Variants in CCDC83 observed in about 807,000 individuals in gnomAD.
The protein encoded by CCDC83 is coiled-coil domain-containing protein 83.
A neutral mutation model predicts 50.1 loss-of-function variants in CCDC83; 54 were observed. The ratio of observed to expected loss-of-function variants is 1.08; its 90% CI spans 0.87 to 1.35. The LOEUF (loss-of-function observed/expected upper bound fraction) is 1.35, where lower values mean the gene tolerates loss of function less well. Ranked by LOEUF, CCDC83 falls within the 40% of genes most tolerant of loss-of-function variation. CCDC83 has a pLI of 0.00. For synonymous variants in CCDC83, 161 were observed against 153.3 expected, an observed-to-expected ratio of 1.05 and a Z score of -0.37; for missense variants, 518 against 473.9, an observed-to-expected ratio of 1.09 and a Z score of -0.86.
intron 7 of CCDC83, among the ~76,000 whole-genome samples, chr11:85,909,348 T>C (rs549225395): frequency 1.1e-4 from 16 of 152,316 alleles, no homozygotes; most frequent in Non-Finnish European, 2.1e-4. Flanking sequence ...TCTTTCATCA[T>C]ATTCCCTCAA....
chr11:85,857,442 C>T (rs2093148354), intron 1 of CCDC83, among the ~76,000 whole-genome samples: 1 of 152,200 alleles, frequency 6.6e-6, no homozygotes, highest in South Asian at 2.1e-4. Context: ...CATTATACTT[C>T]AAAGACGGCC....
chr11:85,904,390 C>A (rs1374066890), intron 7 of CCDC83, among the ~76,000 whole-genome samples: 1 of 152,090 alleles, frequency 6.6e-6, no homozygotes, highest in Non-Finnish European at 1.5e-5. Flanking sequence ...TCTTAGTAGC[C>A]TGTTTCTGGT....
At chr11:85,907,793 T>A (rs370880013) in intron 7 of CCDC83, among the ~76,000 whole-genome samples, 3 of 152,200 alleles carry the variant, frequency 2.0e-5, no homozygotes, top group African/African-American at 7.2e-5. Context: ...AGGAGAGCCT[T>A]AGCCTCTAAG....
At chr11:85,899,770 T>G (rs2093392295) in intron 7 of CCDC83, among the ~76,000 whole-genome samples, 1 of 152,174 alleles carries the variant, frequency 6.6e-6, no homozygotes, top group Non-Finnish European at 1.5e-5. Context: ...ATTGAATGAC[T>G]GAATGTCAAT....
At chr11:85,871,795 C>T (rs2093239144) in intron 2 of CCDC83, among the ~76,000 whole-genome samples, 1 of 152,094 alleles carries the variant, frequency 6.6e-6, no homozygotes, top group Admixed American at 6.6e-5. Context: ...CACTCTACTA[C>T]AGAGGTACTA....
intron 7 of CCDC83, among the ~76,000 whole-genome samples, chr11:85,901,866 A>C (rs1461000213): frequency 7.6e-6 from 1 of 131,800 alleles, no homozygotes; most frequent in Non-Finnish European, 1.6e-5. Flanking sequence ...CCGGCTCTAC[A>C]AAAAATAAAA....
intron 4 of CCDC83, among the ~76,000 whole-genome samples, chr11:85,884,258 G>T (rs1365888844): frequency 6.6e-6 from 1 of 152,176 alleles, no homozygotes; most frequent in Non-Finnish European, 1.5e-5. Flanking sequence ...GAAAGTAAGA[G>T]AACAGAAGTG....
chr11:85,882,778 A>G (rs1204870645), intron 4 of CCDC83, 103 bp downstream of exon 4: 2 of 1,095,362 alleles, frequency 1.8e-6, no homozygotes, highest in Non-Finnish European at 2.6e-6. Context: ...TGTTAAGTGT[A>G]TTTTAAACGG....
At chr11:85,919,220 G>A in intron 10 of CCDC83, 129 bp from the exon 11 acceptor site, 1 of 798,958 alleles carries the variant, frequency 1.3e-6, no homozygotes, top group South Asian at 2.0e-5. Context: ...GTGCTACACA[G>A]CATCAGGCAA....
chr11:85,893,259 A>C (rs1025043946), intron 5 of CCDC83, among the ~76,000 whole-genome samples: 4 of 152,226 alleles, frequency 2.6e-5, no homozygotes, highest in African/African-American at 9.7e-5. Context: ...ATGGAAGAGA[A>C]GTTTTTACTT....
intron 10 of CCDC83, among the ~76,000 whole-genome samples, chr11:85,919,042 G>A (rs922422034): frequency 6.6e-6 from 1 of 152,078 alleles, no homozygotes; most frequent in Non-Finnish European, 1.5e-5. Context: ...AGTTAGTTTT[G>A]CACTAACTAT....
chr11:85,864,078 C>A (rs1423913700), intron 1 of CCDC83, among the ~76,000 whole-genome samples: 1 of 152,206 alleles, frequency 6.6e-6, no homozygotes, highest in Non-Finnish European at 1.5e-5. Context: ...AGTGATGGAT[C>A]TAGGATTAAA....
At chr11:85,860,029 C>G (rs1325630983) in intron 1 of CCDC83, among the ~76,000 whole-genome samples, 1 of 152,128 alleles carries the variant, frequency 6.6e-6, no homozygotes, top group Non-Finnish European at 1.5e-5. Context: ...TGGCTCCCGC[C>G]TGTAATCCCA....
chr11:85,858,161 C>G (rs1383252130), intron 1 of CCDC83, among the ~76,000 whole-genome samples: 1 of 152,200 alleles, frequency 6.6e-6, no homozygotes, highest in African/African-American at 2.4e-5. Context: ...TGATAAGTAA[C>G]TCCTTCACCA....
chr11:85,887,698 TATG>T (rs990486215), intron 5 of CCDC83, among the ~76,000 whole-genome samples: 1 of 151,952 alleles, frequency 6.6e-6, no homozygotes, highest in Non-Finnish European at 1.5e-5. Flanking sequence ...ATGCTATAAA[TATG>T]ATGTCTTACT....
chr11:85,916,135 C>T lies in CCDC83; in HGVS notation c.982C>T (p.Leu328Phe), dbSNP rs1285184595. The T allele has an allele frequency of 6.2e-7, 1 of 1,613,008 alleles. No homozygotes were observed. The highest frequency in any genetic ancestry group is 8.5e-7 in the Non-Finnish European group (1 of 1,179,146). The part of the protein sequence containing the change: ...HLSHENSIED[L>F]QYVKIDKEEN... ...TAGTCATGAAAATAGCATCGAAGAT[C>T]TCCAGTATGTGAAGATAGATAAAGA... is the stretch of plus-strand genomic sequence containing the variant. Residue 328 changes from leucine (L) to phenylalanine (F), a missense_variant, in exon 10 of 11, where the codon CTC becomes TTC. By Grantham distance (22) the Leu-to-Phe change is conservative. Transcript: ENST00000342404.
At chr11:85,907,334 T>C (rs1032191806) in intron 7 of CCDC83, among the ~76,000 whole-genome samples, 1 of 152,224 alleles carries the variant, frequency 6.6e-6, no homozygotes, top group Non-Finnish European at 1.5e-5. Flanking sequence ...TTATTTAGCA[T>C]GCTTATTAGA....
intron 3 of CCDC83, among the ~76,000 whole-genome samples, chr11:85,877,444 T>C (rs1224000145): frequency 6.6e-6 from 1 of 152,182 alleles, no homozygotes; most frequent in Non-Finnish European, 1.5e-5. Context: ...GTACTCCAGC[T>C]TGGGCAACAG....
At chr11:85,912,800 C>T in intron 8 of CCDC83, 3 of 1,024,146 alleles carry the variant, frequency 2.9e-6, no homozygotes, top group Non-Finnish European at 4.7e-6. Context: ...CTTTTCTGAA[C>T]TGGCTAATCT....
Sources: allele counts gnomAD v4.1 joint callset (sites outside exome capture counted in the v4.1 genomes callset), GRCh38; gene constraint gnomAD v4.1.1; transcripts MANE v1.5; gene names NCBI Gene and HGNC (gene_info 2026-07-23, HGNC 2026-07-21).